The following CHD6 variants were observed in gnomAD, a reference collection of about 807,000 sequenced individuals.
CHD6 encodes the protein chromodomain helicase DNA binding protein 6.
A neutral mutation model predicts 276.9 loss-of-function variants in CHD6; 50 were observed. The ratio of observed to expected loss-of-function variants is 0.18; its 90% CI spans 0.14 to 0.23. The LOEUF (loss-of-function observed/expected upper bound fraction) is 0.23, where lower values mean the gene tolerates loss of function less well. Ranked by LOEUF, CHD6 falls within the 10% of genes least tolerant of loss-of-function variation. CHD6 has a pLI of 1.00. For missense variants in CHD6, 2,564 were observed against 3,365.8 expected, an observed-to-expected ratio of 0.76 and a Z score of 5.89; for synonymous variants, 1,173 against 1,229.3, an observed-to-expected ratio of 0.95 and a Z score of 0.96.
At chr20:41,556,034 G>A (rs2045229972) in intron 1 of CHD6, among the ~76,000 whole-genome samples, 1 of 152,236 alleles carries the variant, frequency 6.6e-6, no homozygotes, top group Non-Finnish European at 1.5e-5. Context: ...CGGATCACTC[G>A]CGGTTAGGAG....
At chr20:41,600,382 AAACTAATCTTTGTGACAGAAGCCAG>A in intron 1 of CHD6, among the ~76,000 whole-genome samples, 1 of 152,236 alleles carries the variant, frequency 6.6e-6, no homozygotes, top group East Asian at 1.9e-4. Context: ...ATAACAGGCA[AAACTAATCTTTGTGACAGAAGCCAG>A]AACTAAGCGG....
chr20:41,573,920 A>C (rs2045445502), intron 1 of CHD6, among the ~76,000 whole-genome samples: 2 of 152,160 alleles, frequency 1.3e-5, no homozygotes, highest in Admixed American at 6.5e-5. Flanking sequence ...CCAACAAACA[A>C]ACTCCCAGCT....
At chr20:41,431,795 T>A (rs2047547096) in intron 27 of CHD6, among the ~76,000 whole-genome samples, 1 of 149,120 alleles carries the variant, frequency 6.7e-6, no homozygotes, top group Admixed American at 6.7e-5. Flanking sequence ...TTTTTTTGCT[T>A]CATATATCCT....
intron 28 of CHD6, 58 bp from the exon 29 acceptor site, chr20:41,425,452 G>C: frequency 1.4e-6 from 2 of 1,476,622 alleles, no homozygotes; most frequent in South Asian, 2.4e-5. Context: ...AGGAGTGACT[G>C]TCTTTTGGTT....
intron 25 of CHD6, among the ~76,000 whole-genome samples, chr20:41,442,918 C>A (rs2047944001): frequency 1.3e-5 from 2 of 152,312 alleles, no homozygotes; most frequent in Admixed American, 1.3e-4. Flanking sequence ...ACTGATCTGG[C>A]CCTATGCAGA....
At chr20:41,582,017 G>C (rs1413545791) in intron 1 of CHD6, among the ~76,000 whole-genome samples, 1 of 152,122 alleles carries the variant, frequency 6.6e-6, no homozygotes, top group Non-Finnish European at 1.5e-5. Flanking sequence ...GCATTTTTAA[G>C]ATACATCACA....
Position 41,420,842 on chromosome 20 carries a change from G to A in CHD6, c.5793C>T (p.Pro1931=), listed in dbSNP as rs748245081. The change falls in exon 31 of 37, where the codon CCC becomes CCT. Residue 1931 remains proline, a synonymous_variant. Coordinates refer to ENST00000373233, the MANE Select transcript of CHD6 (RefSeq NM_032221.5). ...NQTPGLQRAF[P]APAACQCHCK... ...AGTGGCACTGACAGGCTGCTGGAGC[G>A]GGGAAAGCCCTCTGTAGCCCAGGAG... 3.3e-5 allele frequency: 53 copies of A among 1,614,048 alleles called. No homozygotes were observed. Among genetic ancestry groups the A allele is most frequent in the East Asian group, 6.7e-5 (3 of 44,890 alleles).
intron 2 of CHD6, among the ~76,000 whole-genome samples, chr20:41,549,499 G>T (rs1345392873): frequency 1.0e-5 from 1 of 95,386 alleles, no homozygotes; most frequent in Non-Finnish European, 2.0e-5. Flanking sequence ...GTTGTGGGGT[G>T]GGGGGAGGGG....
rs373431238 is a variant in CHD6, at chr20:41,467,540, G to A, written c.2664+5782C>T. On this transcript the variant is annotated intron_variant, in intron 17 of 36. Coordinates refer to ENST00000373233, the MANE Select transcript of CHD6 (RefSeq NM_032221.5). ...GGGTGGACAAAAGCCAAAGAGAAATGAATAACGACGTTCTGACAATGAAAA... is the reference window on the plus strand; with the variant it reads ...GGGTGGACAAAAGCCAAAGAGAAATAAATAACGACGTTCTGACAATGAAAA... Among the ~76,000 whole-genome samples, 179 of 76,440 alleles carry A rather than the reference G, an allele frequency of 2.3e-3. 1 individual carries two copies. Among genetic ancestry groups the A allele is most frequent in the African/African-American group, 8.7e-3 (174 of 20,096 alleles). 50.1% of individuals were successfully genotyped at this position (76,440 alleles called of 152,430 possible).
chr20:41,493,170 A>T (rs1347636289), intron 10 of CHD6, among the ~76,000 whole-genome samples: 2 of 152,218 alleles, frequency 1.3e-5, no homozygotes, highest in African/African-American at 4.8e-5. Context: ...AAATCAAAGA[A>T]AAGAGGTAGC....
chr20:41,543,455 C>A (rs1000076249), intron 2 of CHD6, among the ~76,000 whole-genome samples: 2 of 152,170 alleles, frequency 1.3e-5, no homozygotes, highest in Non-Finnish European at 2.9e-5. Flanking sequence ...CCCCAACACA[C>A]CTGTATCTCT....
intron 25 of CHD6, among the ~76,000 whole-genome samples, chr20:41,442,355 G>C (rs768757238): frequency 6.6e-6 from 1 of 152,184 alleles, no homozygotes; most frequent in African/African-American, 2.4e-5. Context: ...GGGAGGCTGA[G>C]GTGGACAGAT....
At chr20:41,600,893 C>T (rs905015710) in intron 1 of CHD6, among the ~76,000 whole-genome samples, 2 of 152,160 alleles carry the variant, frequency 1.3e-5, no homozygotes, top group Non-Finnish European at 2.9e-5. Context: ...CTATGACTGG[C>T]TGGAAACATA....
At chr20:41,558,867 G>C (rs907292797) in intron 1 of CHD6, among the ~76,000 whole-genome samples, 8 of 151,830 alleles carry the variant, frequency 5.3e-5, no homozygotes, top group Non-Finnish European at 1.0e-4. Flanking sequence ...CCACCACTCT[G>C]TTACTCTCTT....
At chr20:41,442,160 C>G (rs1458564603) in intron 25 of CHD6, among the ~76,000 whole-genome samples, 1 of 152,052 alleles carries the variant, frequency 6.6e-6, no homozygotes, top group Non-Finnish European at 1.5e-5. Flanking sequence ...ATCCACAATC[C>G]CAGGCATGGT....
At chr20:41,520,542 C>G (rs11696510) in intron 3 of CHD6, among the ~76,000 whole-genome samples, 3,121 of 151,794 alleles carry the variant, frequency 0.021, 53 homozygotes, top group Non-Finnish European at 0.033. Context: ...AAGCTGGAAA[C>G]CATCATTCTC....
chr20:41,587,053 T>C (rs1469637913), intron 1 of CHD6, among the ~76,000 whole-genome samples: 1 of 152,088 alleles, frequency 6.6e-6, no homozygotes. Flanking sequence ...ACATAACTAA[T>C]CATAACATAG....
At chr20:41,535,462 A>G (rs893143646) in intron 2 of CHD6, among the ~76,000 whole-genome samples, 6 of 152,212 alleles carry the variant, frequency 3.9e-5, no homozygotes, top group Admixed American at 6.5e-5. Context: ...TGAACTTTCC[A>G]TCTGGCCAAA....
Position 41,497,494 on chromosome 20 carries a change from A to G in CHD6, c.982T>C (p.Leu328=). 1 of 1,606,530 alleles carries G rather than the reference A, an allele frequency of 6.2e-7. No individual in the cohort carries two copies. Among genetic ancestry groups the G allele is most frequent in the Non-Finnish European group, 8.5e-7 (1 of 1,173,148 alleles). ...FYVKYRNFSY[L]HCKWATMEEL... ...TCCATTGTGGCCCATTTACAATGTAAGTAGGAACTATCCAAAGACATACAA... is the reference window on the plus strand; with the variant it reads ...TCCATTGTGGCCCATTTACAATGTAGGTAGGAACTATCCAAAGACATACAA... The change falls in exon 8 of 37, where the codon TTA becomes CTA. Residue 328 remains leucine (L), a synonymous_variant. Coordinates refer to ENST00000373233, the MANE Select transcript of CHD6 (RefSeq NM_032221.5).
Sources: gnomAD v4.1 joint callset for allele counts (sites outside exome capture counted in the v4.1 genomes callset) on GRCh38, gnomAD v4.1.1 for gene constraint, MANE v1.5 for transcripts, NCBI Gene and HGNC (gene_info 2026-07-23, HGNC 2026-07-21) for gene names.